Variants in PHF14 observed in about 807,000 individuals in gnomAD.
The protein encoded by PHF14 is PHD finger protein 14.
PHF14 carries 55 observed loss-of-function variants against 117.9 expected under a neutral mutation model. The ratio of observed to expected loss-of-function variants is 0.47; its 90% CI spans 0.38 to 0.58. The LOEUF is 0.58. PHF14 is among the 20% of genes least tolerant of loss of function. PHF14 has a pLI of 0.00. For missense variants in PHF14, 978 were observed against 1,122.2 expected (o/e 0.87, Z 1.84); for synonymous variants, 409 against 368.6 (o/e 1.11, Z -1.26).
intron 3 of PHF14, among the ~76,000 whole-genome samples, chr7:10,989,694 G>A (rs1406634171): frequency 1.3e-5 from 2 of 152,164 alleles, no homozygotes; most frequent in Admixed American, 6.5e-5. Context: ...GCAGTGGCGA[G>A]ATAATAGCTT....
In PHF14 at chr7:10,982,837, A is replaced by G; in HGVS notation, c.578A>G (p.Asp193Gly). Residue 193 changes from aspartate (D) to glycine (G), a missense_variant, in exon 3 of 18, where the codon GAT (aspartate) becomes GGT (glycine). This residue lies in a region of PHF14 where 414 missense variants were observed against 376.4 expected (regional missense o/e 1.10). Transcript: ENST00000634607. Reference protein sequence around the residue: ...WNLRRNRPLLDFVSMEELNDM... With the variant: ...WNLRRNRPLLGFVSMEELNDM... ...CTTCGACGAAACCGACCACTTCTGG[A>G]TTTTGTGTCCATGGAAGAGCTGAAT... 1 of 1,613,878 alleles carries G rather than the reference A, an allele frequency of 6.2e-7. No homozygotes were observed. Among genetic ancestry groups the G allele is most frequent in the African/African-American group, 1.3e-5 (1 of 75,002 alleles).
At chr7:11,064,518 G>A (rs561135589) in intron 16 of PHF14, among the ~76,000 whole-genome samples, 2 of 151,772 alleles carry the variant, frequency 1.3e-5, no homozygotes, top group African/African-American at 2.4e-5. Flanking sequence ...TTAATATACT[G>A]TGTTTACTTT....
intron 14 of PHF14, among the ~76,000 whole-genome samples, chr7:11,056,562 T>G (rs1481409859): frequency 6.6e-6 from 1 of 152,014 alleles, no homozygotes; most frequent in Non-Finnish European, 1.5e-5. Context: ...TGCCATTCCA[T>G]TGGTTGTTTA....
chr7:11,019,960 G>A (rs956898403), intron 5 of PHF14, among the ~76,000 whole-genome samples: 7 of 152,000 alleles, frequency 4.6e-5, no homozygotes, highest in African/African-American at 1.7e-4. Flanking sequence ...TCTTCTTTAT[G>A]TCCTTTGTTG....
intron 16 of PHF14, among the ~76,000 whole-genome samples, chr7:11,075,780 A>G (rs913305313): frequency 6.6e-6 from 1 of 152,008 alleles, no homozygotes; most frequent in Non-Finnish European, 1.5e-5. Flanking sequence ...ATAAGTATTA[A>G]TATCTCCTTT....
intron 4 of PHF14, among the ~76,000 whole-genome samples, chr7:11,000,093 T>A (rs78035475): frequency 0.014 from 2,133 of 152,272 alleles, 50 homozygotes; most frequent in East Asian, 0.11. Flanking sequence ...AATTAATTTA[T>A]TGGTAGTAAT....
intron 5 of PHF14, among the ~76,000 whole-genome samples, chr7:11,019,690 T>C (rs529049553): frequency 1.3e-5 from 2 of 152,310 alleles, no homozygotes; most frequent in South Asian, 4.1e-4. Flanking sequence ...AATACTAACA[T>C]TTTGTTTCAT....
At chr7:11,041,972 G>A (rs946675366) in intron 12 of PHF14, among the ~76,000 whole-genome samples, 1 of 151,622 alleles carries the variant, frequency 6.6e-6, no homozygotes, top group Non-Finnish European at 1.5e-5. Context: ...TCAGGTGATG[G>A]TGCTTGTGTA....
intron 16 of PHF14, chr7:11,102,796 T>C: frequency 7.5e-7 from 1 of 1,325,230 alleles, no homozygotes; most frequent in Middle Eastern, 2.9e-4. Flanking sequence ...AAATATTTGA[T>C]GTGTGCATTG....
Position 11,036,418 on chromosome 7 carries a change from G to T in PHF14, c.1603G>T (p.Ala535Ser). 1 of 1,605,590 alleles carries T rather than the reference G, an allele frequency of 6.2e-7. No homozygotes were observed. Among genetic ancestry groups the T allele is most frequent in the Non-Finnish European group, 8.5e-7 (1 of 1,173,980 alleles). Residue 535 changes from alanine (A) to serine (S), a missense_variant and splice_region_variant, in exon 9 of 18, where the codon GCA becomes TCA. Physicochemically the swap from Ala to Ser is moderately conservative, Grantham distance 99 (BLOSUM62 1). Around this residue, in one of 7 missense-constraint regions of PHF14, gnomAD observed 237 missense variants for 276.4 expected, o/e 0.86. Transcript: ENST00000634607. ...AAATTTGAATACATTTCTTTTATAG[G>T]CAAGGATCAATGCCCGGCTTCAGCA... ...REKQLSPEAQARINARLQQYR... is the reference protein window; with the variant it reads ...REKQLSPEAQSRINARLQQYR...
At chr7:11,119,828 G>C (rs552724388) in intron 17 of PHF14, among the ~76,000 whole-genome samples, 7 of 151,984 alleles carry the variant, frequency 4.6e-5, no homozygotes, top group African/African-American at 1.4e-4. Flanking sequence ...ATGAACTCTG[G>C]TAGTTAATGG....
At chr7:11,099,769 T>C (rs1355910398) in intron 16 of PHF14, among the ~76,000 whole-genome samples, 1 of 152,138 alleles carries the variant, frequency 6.6e-6, no homozygotes, top group Non-Finnish European at 1.5e-5. Flanking sequence ...TCTTAAGTTA[T>C]GTAACTTTTA....
chr7:11,049,454 G>A (rs1361679424), intron 13 of PHF14, among the ~76,000 whole-genome samples: 2 of 142,698 alleles, frequency 1.4e-5, no homozygotes, highest in African/African-American at 2.7e-5. Context: ...CAGCCTGGGC[G>A]ACTTAGCAAG....
At chr7:11,062,795 G>A in intron 16 of PHF14, 1 of 985,196 alleles carries the variant, frequency 1.0e-6, no homozygotes, top group Non-Finnish European at 1.2e-6. Flanking sequence ...GGGAGTGAGT[G>A]TGTGAACAAA....
rs561860929 is a variant in PHF14, at chr7:11,046,254, A to T, written c.2312+3440A>T. Among the ~76,000 whole-genome samples, 9 of 152,324 alleles carry T rather than the reference A, an allele frequency of 5.9e-5. No individual in the cohort carries two copies. The South Asian group carries it at 1.9e-3, about 32-fold the overall frequency. ...ACACATTTGGTAGGATACAAATGGT[A>T]AGGGCTTGATTTATTAGAGTAGTTC... On this transcript the variant is annotated intron_variant, in intron 13 of 17. Coordinates refer to ENST00000634607, the MANE Select transcript of PHF14 (RefSeq NM_001007157.2).
intron 17 of PHF14, among the ~76,000 whole-genome samples, chr7:11,139,113 T>C (rs1788331823): frequency 6.6e-6 from 1 of 152,220 alleles, no homozygotes; most frequent in Non-Finnish European, 1.5e-5. Flanking sequence ...AATTTTGTTC[T>C]AGTTTCACTG....
Position 11,111,066 on chromosome 7 carries a change from A to G in PHF14, c.2655-284A>G, listed in dbSNP as rs965127652. The G allele has an allele frequency of 2.4e-5, 6 of 252,528 alleles. No homozygotes were observed. The East Asian group carries it at 2.5e-4, about 11-fold the overall frequency. 15.6% of individuals were successfully genotyped at this position (252,528 alleles called of 1,614,324 possible). On this transcript the variant is annotated intron_variant, in intron 16 of 17. Coordinates refer to ENST00000634607, the MANE Select transcript of PHF14 (RefSeq NM_001007157.2). ...GGTTGTTTTGAACACATGATTATACATATACGTTCATTCATATGCTCTTAA... is the reference window on the plus strand; with the variant it reads ...GGTTGTTTTGAACACATGATTATACGTATACGTTCATTCATATGCTCTTAA...
intron 14 of PHF14, among the ~76,000 whole-genome samples, chr7:11,057,902 A>C (rs1223805898): frequency 2.6e-5 from 4 of 152,148 alleles, no homozygotes; most frequent in Non-Finnish European, 4.4e-5. Context: ...AAAAAATTGG[A>C]ATGTGTCAAG....
At chr7:11,143,535 A>G (rs1369439053) in intron 17 of PHF14, among the ~76,000 whole-genome samples, 1 of 152,142 alleles carries the variant, frequency 6.6e-6, no homozygotes, top group East Asian at 1.9e-4. Context: ...TTTTGGAAAT[A>G]ATACATGTTT....
Sources: allele counts gnomAD v4.1 joint callset (sites outside exome capture counted in the v4.1 genomes callset), GRCh38; gene constraint gnomAD v4.1.1; regional missense constraint gnomAD v4.1.1; transcripts MANE v1.5; gene names NCBI Gene and HGNC (gene_info 2026-07-23, HGNC 2026-07-21).